The following GPNMB variants were observed in gnomAD, a reference collection of about 807,000 sequenced individuals.
GPNMB encodes the protein transmembrane glycoprotein NMB.
In GPNMB, 71 loss-of-function variants were observed where a neutral mutation model predicts 57.3. The ratio of observed to expected loss-of-function variants is 1.24; its 90% confidence interval spans 1.02 to 1.51. The LOEUF (loss-of-function observed/expected upper bound fraction) is 1.51, where lower values mean the gene tolerates loss of function less well. GPNMB is among the 40% of genes most tolerant of loss of function. The probability of loss-of-function intolerance (pLI) is 0.00; values close to 1 mark genes in which losing one functional copy is unlikely to be tolerated. For synonymous variants in GPNMB, 253 were observed against 263.2 expected (o/e 0.96, Z 0.38); for missense variants, 677 against 691.9 (o/e 0.98, Z 0.24).
At chr7:23,267,293 C>T (rs975579152) in intron 7 of GPNMB, among the ~76,000 whole-genome samples, 19 of 152,240 alleles carry the variant, frequency 1.2e-4, no homozygotes, top group African/African-American at 4.6e-4. Flanking sequence ...CTAGGCTGGA[C>T]TGAAAAACAG....
In GPNMB at chr7:23,266,539, G is replaced by A. The variant is rs1783067463; in HGVS notation, c.1041G>A (p.Leu347=). The A allele has an allele frequency of 2.5e-6, 4 of 1,613,394 alleles. No individual in the cohort carries two copies. Among genetic ancestry groups the A allele is most frequent in the Non-Finnish European group, 3.4e-6 (4 of 1,179,482 alleles). ...CAGGACCTGCTGGTGACAACCCCCTGGAGCTGAGTAGGATTCCTGATGAAA... is the reference window on the plus strand; with the variant it reads ...CAGGACCTGCTGGTGACAACCCCCTAGAGCTGAGTAGGATTCCTGATGAAA... ...PSLGPAGDNP[L]ELSRIPDENC... is the part of the protein sequence containing the mutation. The change falls in exon 7 of 11, where the codon CTG becomes CTA. Residue 347 remains leucine (L), a synonymous_variant. Transcript: ENST00000258733.
At position 23,254,213 on chromosome 7, in the gene GPNMB, G is replaced by C; in HGVS notation, c.268G>C (p.Val90Leu). 6.2e-7 allele frequency: 1 copy of C among 1,614,074 alleles called. No individual in the cohort carries two copies. Among genetic ancestry groups the C allele is most frequent in the Non-Finnish European group, 8.5e-7 (1 of 1,179,962 alleles). Residue 90 changes from valine to leucine, a missense_variant, in exon 3 of 11, where the codon GTG becomes CTG. By Grantham distance (32) the Val-to-Leu change is conservative (BLOSUM62 1). Coordinates refer to ENST00000258733, the MANE Select transcript of GPNMB (RefSeq NM_002510.3). The part of the protein sequence containing the change: ...AVLTSDSPAL[V>L]GSNITFAVNL... ...CCTGACCAGTGACTCACCAGCCCTCGTGGGCTCAAATATAACATTTGCGGT... is the reference window on the plus strand; with the variant it reads ...CCTGACCAGTGACTCACCAGCCCTCCTGGGCTCAAATATAACATTTGCGGT...
At chr7:23,247,564 T>G (rs1050573485) in intron 1 of GPNMB, among the ~76,000 whole-genome samples, 1 of 152,250 alleles carries the variant, frequency 6.6e-6, no homozygotes, top group African/African-American at 2.4e-5. Context: ...GATCTGCCTA[T>G]GCAGCCAGGG....
At chr7:23,260,830 C>T (rs975247645) in intron 6 of GPNMB, 57 bp downstream of exon 6, 59 of 1,285,858 alleles carry the variant, frequency 4.6e-5, no homozygotes, top group Non-Finnish European at 5.6e-5. Context: ...AAAATATTCA[C>T]GCAGGTCATA....
intron 1 of GPNMB, 109 bp from the exon 2 acceptor site, chr7:23,253,198 T>G (rs568910498): frequency 2.4e-5 from 21 of 887,716 alleles, no homozygotes; most frequent in Non-Finnish European, 6.8e-6. Flanking sequence ...CTTGATGCAC[T>G]GAATATATTA....
At position 23,260,063 on chromosome 7, in the gene GPNMB, G is replaced by C; in HGVS notation, c.625G>C (p.Glu209Gln). ...ANVTLGPQLMEVTVYRRHGRA... is the reference protein window; with the variant it reads ...ANVTLGPQLMQVTVYRRHGRA... ...TGTGACACTTGGGCCTCAACTCATG[G>C]AAGTGACTGTCTACAGAAGACATGG... Residue 209 changes from glutamate to glutamine, a missense_variant, in exon 5 of 11, where the codon GAA becomes CAA. Physicochemically the swap from Glu to Gln is conservative, Grantham distance 29. Coordinates refer to ENST00000258733, the MANE Select transcript of GPNMB (RefSeq NM_002510.3). 6.2e-7 allele frequency: 1 copy of C among 1,614,074 alleles called. No homozygotes were observed. The highest frequency in any genetic ancestry group is 8.5e-7 in the Non-Finnish European group (1 of 1,179,932).
chr7:23,273,931 A>G, intron 10 of GPNMB, 134 bp from the exon 11 acceptor site: 2 of 659,070 alleles, frequency 3.0e-6, no homozygotes, highest in Admixed American at 3.1e-5. Flanking sequence ...TTCATAAGAC[A>G]CCAGTGTCTT....
chr7:23,260,535 C>T lies in GPNMB; in HGVS notation c.780C>T (p.Pro260=), dbSNP rs1782892528. 2.5e-6 allele frequency: 4 copies of T among 1,613,310 alleles called. No individual in the cohort carries two copies. In the African/African-American group the frequency reaches 5.3e-5, roughly 22 times the overall value. ...ACGAAACCTTCCTCAAAGATCTCCC[C>T]ATTATGTTTGATGTCCTGATTCATG... ...SSDETFLKDL[P]IMFDVLIHDP... Residue 260 remains proline (P), a synonymous_variant, in exon 6 of 11, where the codon CCC becomes CCT. Transcript: ENST00000258733.
chr7:23,261,877 A>G (rs1782933766), intron 6 of GPNMB, among the ~76,000 whole-genome samples: 1 of 152,198 alleles, frequency 6.6e-6, no homozygotes, highest in Non-Finnish European at 1.5e-5. Flanking sequence ...GGGGACATTC[A>G]AGAAGTCCTT....
intron 6 of GPNMB, chr7:23,266,197 C>G (rs113828785): frequency 0.024 from 6,673 of 274,938 alleles, 378 homozygotes; most frequent in African/African-American, 0.13. Context: ...GATCTGCCCC[C>G]CTCGGCCTCC....
Position 23,266,629 on chromosome 7 carries a change from T to A in GPNMB, c.1117+14T>A. 1 of 1,611,940 alleles carries A rather than the reference T, an allele frequency of 6.2e-7. No homozygotes were observed. Among genetic ancestry groups the A allele is most frequent in the South Asian group, 1.1e-5 (1 of 90,774 alleles). ...TCACAATTGTAGGTAAGGCTGAAGA[T>A]GATGACCAGTGAGGAAGGATGCTAG... On this transcript the variant is annotated intron_variant, in intron 7 of 10. Transcript: ENST00000258733.
In GPNMB at chr7:23,257,160, A is replaced by C. The variant is rs554200021; in HGVS notation, c.541+95A>C. 160 of 1,088,608 alleles carry C rather than the reference A, an allele frequency of 1.5e-4. 2 individuals are homozygous for C. The South Asian group carries it at 1.9e-3, about 13-fold the overall frequency. 67.4% of individuals were successfully genotyped at this position (1,088,608 alleles called of 1,614,324 possible). On this transcript the variant is annotated intron_variant, in intron 4 of 10. Transcript: ENST00000258733. ...TCTATAATTGAGAATGATAACACAG[A>C]GAGTTAATAACAGTCACCCTGCTAA...
chr7:23,247,163 T>C, intron 1 of GPNMB: 1 of 537,838 alleles, frequency 1.9e-6, no homozygotes, highest in South Asian at 2.1e-5. Flanking sequence ...GCCCTTCTCT[T>C]GTGAAGCTTC....
intron 7 of GPNMB, 37 bp from the exon 8 acceptor site, chr7:23,267,849 A>T: frequency 7.7e-7 from 1 of 1,294,628 alleles, no homozygotes; most frequent in East Asian, 2.3e-5. Flanking sequence ...TTTCTGTTGT[A>T]TTTTGATGTG....
chr7:23,264,791 A>G (rs1783019846), intron 6 of GPNMB, among the ~76,000 whole-genome samples: 1 of 152,234 alleles, frequency 6.6e-6, no homozygotes, highest in South Asian at 2.1e-4. Flanking sequence ...TATATGCAGA[A>G]CAAGAGAAGT....
intron 6 of GPNMB, 57 bp downstream of exon 6, chr7:23,260,830 C>A: frequency 7.8e-7 from 1 of 1,285,972 alleles, no homozygotes; most frequent in Non-Finnish European, 1.1e-6. Flanking sequence ...AAAATATTCA[C>A]GCAGGTCATA....
At chr7:23,249,681 G>A (rs775454869) in intron 1 of GPNMB, among the ~76,000 whole-genome samples, 3 of 152,176 alleles carry the variant, frequency 2.0e-5, no homozygotes, top group Non-Finnish European at 4.4e-5. Context: ...TGGTATGGAT[G>A]TACCACAGTT....
chr7:23,261,954 C>G (rs1028838156), intron 6 of GPNMB, among the ~76,000 whole-genome samples: 21 of 152,112 alleles, frequency 1.4e-4, no homozygotes, highest in African/African-American at 4.8e-4. Flanking sequence ...CATCACCACC[C>G]TTTTCCCACT....
chr7:23,257,476 A>G (rs1016202541), intron 4 of GPNMB: 2 of 277,020 alleles, frequency 7.2e-6, no homozygotes, highest in African/African-American at 4.5e-5. Context: ...GTTCAAGACC[A>G]GCCTGGCCAA....
Sources: allele counts gnomAD v4.1 joint callset (sites outside exome capture counted in the v4.1 genomes callset), GRCh38; gene constraint gnomAD v4.1.1; transcripts MANE v1.5; gene names NCBI Gene and HGNC (gene_info 2026-07-23, HGNC 2026-07-21).